PRKAA2: variants seen among roughly 807,000 people sequenced by gnomAD.
The protein encoded by PRKAA2 is 5'-AMP-activated protein kinase catalytic subunit alpha-2.
PRKAA2 carries 40 observed loss-of-function variants against 56.3 expected under a neutral mutation model. The observed-to-expected ratio is 0.71, with a 90% confidence interval of 0.55 to 0.92. PRKAA2 has a LOEUF of 0.92. Ranked by LOEUF, PRKAA2 falls within the 40% of genes least tolerant of loss-of-function variation. The pLI, the probability that PRKAA2 is intolerant of heterozygous loss-of-function variation, is 0.00. For synonymous variants in PRKAA2, 214 were observed against 234.2 expected (o/e 0.91, Z 0.79); for missense variants, 542 against 686.9 (o/e 0.79, Z 2.36).
At chr1:56,683,435 G>A (rs916406584) in intron 2 of PRKAA2, among the ~76,000 whole-genome samples, 1 of 152,140 alleles carries the variant, frequency 6.6e-6, no homozygotes, top group Non-Finnish European at 1.5e-5. Flanking sequence ...GGAACAAACA[G>A]TCTGGTTTGT....
chr1:56,701,254 G>A (rs1644291880), intron 6 of PRKAA2, among the ~76,000 whole-genome samples: 1 of 151,972 alleles, frequency 6.6e-6, no homozygotes, highest in Non-Finnish European at 1.5e-5. Context: ...TTGTAGCTGG[G>A]TGTGGTGGTG....
intron 2 of PRKAA2, among the ~76,000 whole-genome samples, chr1:56,676,718 C>G (rs1644116141): frequency 1.3e-5 from 2 of 152,132 alleles, no homozygotes; most frequent in South Asian, 4.1e-4. Context: ...GTCTTTACTG[C>G]TGTACTTATT....
At chr1:56,685,261 A>G (rs1644182926) in intron 2 of PRKAA2, among the ~76,000 whole-genome samples, 1 of 152,216 alleles carries the variant, frequency 6.6e-6, no homozygotes, top group Non-Finnish European at 1.5e-5. Flanking sequence ...TAAAGATATC[A>G]CTTACACCTG....
Position 56,710,747 on chromosome 1 carries a change from T to G in PRKAA2, c.*3034T>G, listed in dbSNP as rs1367289008. On this transcript the variant is annotated 3_prime_UTR_variant, in exon 9 of 9. Coordinates refer to ENST00000371244, the MANE Select transcript of PRKAA2 (RefSeq NM_006252.4). ...TATTATTATTTGAGTGCAACATTAT[T>G]CTTATGCATGGGTGACTGAAAAACC... 1 of 152,106 alleles carries G rather than the reference T, an allele frequency of 6.6e-6. No homozygotes were observed. The highest frequency in any genetic ancestry group is 1.5e-5 in the Non-Finnish European group (1 of 67,984). 9.4% of individuals were successfully genotyped at this position (152,106 alleles called of 1,614,324 possible).
chr1:56,709,787 T>C lies in PRKAA2; in HGVS notation c.*2074T>C, dbSNP rs950508357. ...GTCTAATAGGTCAGATATTAAAAAA[T>C]TGTTCATATCAAAATTACCTTATAT... On this transcript the variant is annotated 3_prime_UTR_variant, in exon 9 of 9. Transcript: ENST00000371244. 1.3e-5 allele frequency: 2 copies of C among 152,166 alleles called. No individual in the cohort carries two copies. 9.4% of individuals were successfully genotyped at this position (152,166 alleles called of 1,614,324 possible).
In PRKAA2 at chr1:56,707,787, G is replaced by A. The variant is rs540219702; in HGVS notation, c.*74G>A. ...TCTTTAAATTTTTATCTTACTTTTGGATAATATCCACTGCAATACTAATTG... is the reference window on the plus strand; with the variant it reads ...TCTTTAAATTTTTATCTTACTTTTGAATAATATCCACTGCAATACTAATTG... On this transcript the variant is annotated 3_prime_UTR_variant, in exon 9 of 9. Coordinates refer to ENST00000371244, the MANE Select transcript of PRKAA2 (RefSeq NM_006252.4). 3.0e-6 allele frequency: 4 copies of A among 1,330,632 alleles called. No homozygotes were observed. In the South Asian group the frequency reaches 5.4e-5, roughly 18 times the overall value. The allele number at this position is 1,330,632 out of a possible 1,614,324, so 82.4% of individuals were successfully genotyped here. A position where few individuals can be genotyped will look rare whatever the true frequency, so the allele number is the denominator to read the frequency against.
chr1:56,698,495 C>A (rs1370378289), intron 6 of PRKAA2, among the ~76,000 whole-genome samples: 1 of 152,130 alleles, frequency 6.6e-6, no homozygotes, highest in Admixed American at 6.5e-5. Context: ...CAAGGTCTAA[C>A]ACATATTAAA....
intron 5 of PRKAA2, among the ~76,000 whole-genome samples, chr1:56,695,189 T>TC (rs1644250973): frequency 6.8e-6 from 1 of 147,340 alleles, no homozygotes; most frequent in African/African-American, 2.5e-5. Context: ...ATATTATATA[T>TC]ATATATATAT....
intron 2 of PRKAA2, among the ~76,000 whole-genome samples, chr1:56,685,927 A>C (rs1344816217): frequency 6.6e-6 from 1 of 152,230 alleles, no homozygotes; most frequent in Non-Finnish European, 1.5e-5. Context: ...TGGTTTTTTA[A>C]ATTTATGCAT....
At chr1:56,649,468 G>A (rs1646669593) in intron 1 of PRKAA2, among the ~76,000 whole-genome samples, 1 of 152,102 alleles carries the variant, frequency 6.6e-6, no homozygotes, top group African/African-American at 2.4e-5. Flanking sequence ...GATCCCTTGA[G>A]CCCAGGGGTT....
At chr1:56,679,348 A>G (rs1557552509) in intron 2 of PRKAA2, among the ~76,000 whole-genome samples, 1 of 152,088 alleles carries the variant, frequency 6.6e-6, no homozygotes, top group Non-Finnish European at 1.5e-5. Context: ...CATTTATCAA[A>G]TTGTTTATCG....
At chr1:56,663,261 A>C (rs1305257156) in intron 1 of PRKAA2, among the ~76,000 whole-genome samples, 1 of 152,144 alleles carries the variant, frequency 6.6e-6, no homozygotes, top group Admixed American at 6.5e-5. Flanking sequence ...CATTTTAAAC[A>C]ATATTTTTGA....
rs1181562363 is a variant in PRKAA2, at chr1:56,713,142, T to C, written c.*5429T>C. On this transcript the variant is annotated 3_prime_UTR_variant, in exon 9 of 9. Transcript: ENST00000371244. ...CATTTAAACAAGTTGCTGGCATCAT[T>C]ACTAGCCTTTCCACCTATAATTATG... The C allele has an allele frequency of 6.6e-6, 1 of 152,190 alleles. No homozygotes were observed. The highest frequency in any genetic ancestry group is 1.5e-5 in the Non-Finnish European group (1 of 68,048). 9.4% of individuals were successfully genotyped at this position (152,190 alleles called of 1,614,324 possible).
At position 56,707,723 on chromosome 1, in the gene PRKAA2, A is replaced by G. The variant is rs574790232; in HGVS notation, c.*10A>G. The G allele has an allele frequency of 1.3e-6, 2 of 1,562,078 alleles. No homozygotes were observed. The highest frequency in any genetic ancestry group is 4.5e-5 in the East Asian group (2 of 44,636). On this transcript the variant is annotated 3_prime_UTR_variant, in exon 9 of 9. Coordinates refer to ENST00000371244, the MANE Select transcript of PRKAA2 (RefSeq NM_006252.4). ...TACTTTAGCCCGTTGATCTGTCTCT[A>G]GTTTCTTTCTGTTATTGCACTATGA...
At chr1:56,657,160 C>T (rs1643950971) in intron 1 of PRKAA2, among the ~76,000 whole-genome samples, 1 of 152,026 alleles carries the variant, frequency 6.6e-6, no homozygotes, top group Non-Finnish European at 1.5e-5. Context: ...CTGTATTTAT[C>T]CTTGCAGAAA....
chr1:56,672,149 A>G (rs901336970), intron 1 of PRKAA2, among the ~76,000 whole-genome samples: 8 of 152,020 alleles, frequency 5.3e-5, no homozygotes, highest in Non-Finnish European at 7.4e-5. Flanking sequence ...ACAGGGTCTC[A>G]CTCTGTCACC....
intron 6 of PRKAA2, among the ~76,000 whole-genome samples, chr1:56,699,632 C>A (rs1644281157): frequency 6.6e-6 from 1 of 151,940 alleles, no homozygotes; most frequent in Non-Finnish European, 1.5e-5. Flanking sequence ...TAAATTTATC[C>A]CTTTAGATTG....
chr1:56,689,532 ACATG>A (rs1644213054), intron 2 of PRKAA2, among the ~76,000 whole-genome samples: 2 of 152,096 alleles, frequency 1.3e-5, no homozygotes, highest in Admixed American at 1.3e-4. Context: ...AGCCTGGCCA[ACATG>A]GTGAAACCCC....
intron 1 of PRKAA2, among the ~76,000 whole-genome samples, chr1:56,656,831 T>G (rs1380504732): frequency 2.6e-5 from 4 of 152,190 alleles, no homozygotes; most frequent in Non-Finnish European, 4.4e-5. Context: ...TAAGTTCTCA[T>G]AAAAAGCTAA....
Sources: allele counts gnomAD v4.1 joint callset (sites outside exome capture counted in the v4.1 genomes callset), GRCh38; gene constraint gnomAD v4.1.1; transcripts MANE v1.5; gene names NCBI Gene and HGNC (gene_info 2026-07-23, HGNC 2026-07-21).